TSNARE1: variants seen among roughly 807,000 people sequenced by gnomAD.
TSNARE1 encodes t-SNARE domain containing 1.
In TSNARE1, 49 loss-of-function variants were observed where a neutral mutation model predicts 62.0. The ratio of observed to expected loss-of-function variants is 0.79; its 90% confidence interval spans 0.63 to 1.00. TSNARE1 has a LOEUF of 1.00. Among genes scored for constraint, TSNARE1 ranks in the 50% least tolerant of loss-of-function variants. The probability of loss-of-function intolerance (pLI) is 0.00; values close to 1 mark genes in which losing one functional copy is unlikely to be tolerated. For missense variants in TSNARE1, 755 were observed against 700.1 expected (o/e 1.08, Z -0.88); for synonymous variants, 328 against 294.4 (o/e 1.11, Z -1.17).
intron 11 of TSNARE1, chr8:142,275,208 C>T (rs1455942167): frequency 1.0e-6 from 1 of 985,298 alleles, no homozygotes; most frequent in African/African-American, 1.7e-5. Flanking sequence ...TTGCCTGGGC[C>T]AGCCCCTCCA....
At position 142,229,574 on chromosome 8, in the gene TSNARE1, C is replaced by G. The variant is rs769836457; in HGVS notation, c.1452G>C (p.Gln484His). 6.2e-7 allele frequency: 1 copy of G among 1,613,760 alleles called. No homozygotes were observed. The highest frequency in any genetic ancestry group is 8.5e-7 in the Non-Finnish European group (1 of 1,179,960). Residue 484 changes from glutamine (Q) to histidine (H), a missense_variant, in exon 13 of 14, where the codon CAG (glutamine) becomes CAC (histidine). Physicochemically the swap from Gln to His is conservative, Grantham distance 24. Transcript: ENST00000524325. ...LLAGASRHQL[Q>H]RHKIKCCFLS... Reference sequence around the variant, plus strand: ...GGAAGCAGCACTTGATCTTGTGTCTCTGGAGCTGGGAGAGAGAGAGAGGTT... The same window carrying G: ...GGAAGCAGCACTTGATCTTGTGTCTGTGGAGCTGGGAGAGAGAGAGAGGTT...
chr8:142,229,191 T>C (rs562631334), intron 13 of TSNARE1, among the ~76,000 whole-genome samples: 4 of 106,206 alleles, frequency 3.8e-5, no homozygotes, highest in Non-Finnish European at 7.5e-5. Context: ...GGACAGATGG[T>C]GAATGGGTGG....
At chr8:142,404,933 A>G (rs563245287), upstream of TSNARE1, 1 of 152,174 alleles carries the variant, frequency 6.6e-6, no homozygotes, top group Admixed American at 6.5e-5. Context: ...AGGGCAGACC[A>G]CCTCCAGGAG....
intron 10 of TSNARE1, among the ~76,000 whole-genome samples, chr8:142,289,748 T>C (rs1823429384): frequency 6.6e-6 from 1 of 152,252 alleles, no homozygotes; most frequent in South Asian, 2.1e-4. Flanking sequence ...TCCTCCATCA[T>C]GGGAGGCCGC....
At chr8:142,388,918 T>G (rs1015515133) in intron 1 of TSNARE1, among the ~76,000 whole-genome samples, 28 of 152,102 alleles carry the variant, frequency 1.8e-4, no homozygotes, top group African/African-American at 6.3e-4. Flanking sequence ...CACACATATG[T>G]GATAAATAAA....
At chr8:142,300,217 G>A in intron 10 of TSNARE1, 1 of 370,346 alleles carries the variant, frequency 2.7e-6, no homozygotes. Flanking sequence ...CCCCAGCATA[G>A]ACCCCAGCTC....
intron 10 of TSNARE1, among the ~76,000 whole-genome samples, chr8:142,288,346 A>C (rs1823129649): frequency 6.6e-6 from 1 of 152,240 alleles, no homozygotes; most frequent in Admixed American, 6.5e-5. Flanking sequence ...CCACAACCCC[A>C]AAAGCGCGGG....
At chr8:142,362,974 C>G (rs72614030) in intron 1 of TSNARE1, among the ~76,000 whole-genome samples, 2 of 152,128 alleles carry the variant, frequency 1.3e-5, no homozygotes, top group Non-Finnish European at 2.9e-5. Context: ...ACTTCCAAAT[C>G]CCTGGACGCT....
At chr8:142,317,216 G>A (rs558442787) in intron 7 of TSNARE1, among the ~76,000 whole-genome samples, 16 of 145,612 alleles carry the variant, frequency 1.1e-4, no homozygotes, top group East Asian at 1.0e-3. Flanking sequence ...CACTGCACGC[G>A]TGAAGCGGGT....
chr8:142,298,218 GGAC>G (rs1563855759), intron 10 of TSNARE1, among the ~76,000 whole-genome samples: 1 of 152,252 alleles, frequency 6.6e-6, no homozygotes, highest in African/African-American at 2.4e-5. Flanking sequence ...TCTCTGAGCT[GGAC>G]GACTGCAGTG....
At chr8:142,375,241 G>A (rs117663892) in intron 1 of TSNARE1, among the ~76,000 whole-genome samples, 141 of 152,360 alleles carry the variant, frequency 9.3e-4, no homozygotes, top group East Asian at 8.3e-3. Flanking sequence ...AGCTGCTCCC[G>A]GCACCCACAG....
intron 11 of TSNARE1, among the ~76,000 whole-genome samples, chr8:142,280,685 G>A (rs1236697396): frequency 6.6e-6 from 1 of 152,182 alleles, no homozygotes; most frequent in African/African-American, 2.4e-5. Context: ...GGGACTGGGT[G>A]GGCACCTGAA....
At chr8:142,330,760 G>A in intron 6 of TSNARE1, 141 bp downstream of exon 6, 2 of 773,184 alleles carry the variant, frequency 2.6e-6, no homozygotes, top group Admixed American at 4.2e-5. Flanking sequence ...GTGTGCATAT[G>A]TGCGCACATG....
intron 1 of TSNARE1, among the ~76,000 whole-genome samples, chr8:142,366,405 G>C (rs1454418896): frequency 6.6e-6 from 1 of 152,152 alleles, no homozygotes; most frequent in African/African-American, 2.4e-5. Context: ...AAATATTGAT[G>C]CAAAAATACT....
intron 6 of TSNARE1, among the ~76,000 whole-genome samples, chr8:142,323,481 G>C (rs930472688): frequency 1.3e-5 from 2 of 152,198 alleles, no homozygotes; most frequent in Non-Finnish European, 2.9e-5. Context: ...TCCTAAAGAC[G>C]CACTTTTAGG....
At chr8:142,297,609 G>A (rs4468046) in intron 10 of TSNARE1, among the ~76,000 whole-genome samples, 18,500 of 152,188 alleles carry the variant, frequency 0.12, 1,444 homozygotes, top group East Asian at 0.19. Flanking sequence ...GCCGAGGTGC[G>A]TAACACAGCT....
intron 12 of TSNARE1, among the ~76,000 whole-genome samples, chr8:142,255,368 CCAT>C (rs1400810765): frequency 6.8e-6 from 1 of 147,566 alleles, no homozygotes; most frequent in African/African-American, 2.5e-5. Flanking sequence ...ATCACCATCA[CCAT>C]CATCATGGCT....
At chr8:142,259,650 C>G (rs1009335534) in intron 12 of TSNARE1, among the ~76,000 whole-genome samples, 2 of 152,214 alleles carry the variant, frequency 1.3e-5, no homozygotes, top group African/African-American at 2.4e-5. Context: ...AAGGCAGCCT[C>G]CTTCGCCCCG....
intron 12 of TSNARE1, chr8:142,271,140 A>T (rs949013177): frequency 1.0e-6 from 1 of 987,122 alleles, no homozygotes; most frequent in African/African-American, 1.7e-5. Flanking sequence ...TCGAGCCCCG[A>T]GTGGGTGCCC....
Sources: gnomAD v4.1 joint callset for allele counts (sites outside exome capture counted in the v4.1 genomes callset) on GRCh38, gnomAD v4.1.1 for gene constraint, MANE v1.5 for transcripts, NCBI Gene and HGNC (gene_info 2026-07-23, HGNC 2026-07-21) for gene names.